CALN1: variants seen among roughly 807,000 people sequenced by gnomAD.
The protein encoded by CALN1 is calcium-binding protein 8.
A neutral mutation model predicts 30.6 loss-of-function variants in CALN1; 17 were observed. That is an observed-to-expected ratio of 0.56 (90% confidence interval 0.38 to 0.83). The LOEUF (loss-of-function observed/expected upper bound fraction) is 0.83, where lower values mean the gene tolerates loss of function less well. Ranked by LOEUF, CALN1 falls within the 40% of genes least tolerant of loss-of-function variation. CALN1 has a pLI of 0.00. For synonymous variants in CALN1, 156 were observed against 131.4 expected, an observed-to-expected ratio of 1.19 and a Z score of -1.28; for missense variants, 291 against 354.9, an observed-to-expected ratio of 0.82 and a Z score of 1.45.
chr7:72,317,663 T>TC (rs1044956245), intron 2 of CALN1, among the ~76,000 whole-genome samples: 8 of 151,140 alleles, frequency 5.3e-5, no homozygotes, highest in South Asian at 4.2e-4. Context: ...GCCTAGGAAG[T>TC]CCCCCCCAGA....
At chr7:72,119,947 T>A (rs1808262032) in intron 3 of CALN1, among the ~76,000 whole-genome samples, 1 of 152,186 alleles carries the variant, frequency 6.6e-6, no homozygotes, top group Non-Finnish European at 1.5e-5. Flanking sequence ...CATGTAGTTT[T>A]TTAAAAGTAA....
At chr7:72,442,591 T>G (rs1399266448) in intron 1 of CALN1, among the ~76,000 whole-genome samples, 1 of 151,792 alleles carries the variant, frequency 6.6e-6, no homozygotes, top group Non-Finnish European at 1.5e-5. Flanking sequence ...TGGACTTTAT[T>G]AAGGGTTGCG....
intron 5 of CALN1, among the ~76,000 whole-genome samples, chr7:71,907,492 G>GT (rs1221342021): frequency 3.9e-5 from 6 of 152,200 alleles, no homozygotes; most frequent in African/African-American, 1.2e-4. Context: ...GAATAAAGCT[G>GT]TGAGTCAGAA....
chr7:72,462,668 C>A, the CALN1 span, among the ~76,000 whole-genome samples: 1 of 152,220 alleles, frequency 6.6e-6, no homozygotes, highest in Non-Finnish European at 1.5e-5. Context: ...GCTTGCCCCA[C>A]GCAGGTTCAC....
At chr7:72,289,680 C>A (rs972186037) in intron 2 of CALN1, among the ~76,000 whole-genome samples, 6 of 152,050 alleles carry the variant, frequency 3.9e-5, no homozygotes, top group African/African-American at 1.4e-4. Flanking sequence ...CTAAATTAAC[C>A]ACAAAATCAC....
chr7:72,420,356 C>A (rs977144958), intron 1 of CALN1, among the ~76,000 whole-genome samples: 2 of 152,120 alleles, frequency 1.3e-5, no homozygotes, highest in African/African-American at 4.8e-5. Context: ...ACAGGCAACA[C>A]TTCCTCTTGC....
At chr7:72,477,071 CGT>C in the CALN1 span, among the ~76,000 whole-genome samples, 1 of 152,070 alleles carries the variant, frequency 6.6e-6, no homozygotes, top group Admixed American at 6.5e-5. Flanking sequence ...ACTAGCTGGG[CGT>C]GGTGGCGCGC....
intron 5 of CALN1, among the ~76,000 whole-genome samples, chr7:71,875,255 G>A (rs1271334676): frequency 6.6e-6 from 1 of 151,332 alleles, no homozygotes; most frequent in East Asian, 1.9e-4. Context: ...CAAATGCAAG[G>A]AGCCATGCAG....
At chr7:71,925,909 A>C (rs962355213) in intron 5 of CALN1, among the ~76,000 whole-genome samples, 1 of 152,080 alleles carries the variant, frequency 6.6e-6, no homozygotes, top group Non-Finnish European at 1.5e-5. Flanking sequence ...GCTGGAGTGC[A>C]GTGGCGCAAT....
chr7:72,347,735 A>C lies in CALN1; in HGVS notation c.119+55516T>G, dbSNP rs535412800. Among the ~76,000 whole-genome samples, 10 of 152,310 alleles carry C rather than the reference A, an allele frequency of 6.6e-5. No homozygotes were observed. In the South Asian group the frequency reaches 1.7e-3, roughly 25 times the overall value. ...ACTAAAAGAAAATAGCTATCCACTA[A>C]ATTCTGAATGCAGTGAACATGCCCA... On this transcript the variant is annotated intron_variant, in intron 2 of 6. Coordinates refer to ENST00000395275, the MANE Select transcript of CALN1 (RefSeq NM_031468.4).
chr7:72,267,003 T>TC (rs1308079232), intron 3 of CALN1, among the ~76,000 whole-genome samples: 1 of 152,156 alleles, frequency 6.6e-6, no homozygotes, highest in Non-Finnish European at 1.5e-5. Flanking sequence ...ACACTCCCCC[T>TC]CTTATTGGGA....
intron 2 of CALN1, among the ~76,000 whole-genome samples, chr7:72,330,847 G>A (rs1466894662): frequency 6.6e-6 from 1 of 152,146 alleles, no homozygotes; most frequent in East Asian, 1.9e-4. Flanking sequence ...CCCTGCCAGT[G>A]GGAAGGCAAA....
chr7:72,046,763 G>A (rs1270231726), intron 4 of CALN1, among the ~76,000 whole-genome samples: 7 of 149,372 alleles, frequency 4.7e-5, no homozygotes, highest in Non-Finnish European at 8.9e-5. Flanking sequence ...GGCCAGGTGC[G>A]GTAGCTCACA....
At chr7:71,934,060 A>G (rs1195626443) in intron 5 of CALN1, among the ~76,000 whole-genome samples, 1 of 152,166 alleles carries the variant, frequency 6.6e-6, no homozygotes, top group Non-Finnish European at 1.5e-5. Flanking sequence ...TTTGCATTGA[A>G]GCTCCCTATT....
chr7:72,438,970 A>C (rs2968509), intron 1 of CALN1, among the ~76,000 whole-genome samples: 107,959 of 152,194 alleles, frequency 0.71, 38,948 homozygotes, highest in African/African-American at 0.81. Context: ...ATACAGTTGA[A>C]CCTCAAACCC....
chr7:72,165,673 C>T (rs1469013792), intron 3 of CALN1, among the ~76,000 whole-genome samples: 1 of 151,798 alleles, frequency 6.6e-6, no homozygotes, highest in East Asian at 1.9e-4. Context: ...AAAAATGGAG[C>T]CTAAATAATC....
intron 5 of CALN1, among the ~76,000 whole-genome samples, chr7:71,905,452 C>T (rs996046464): frequency 4.0e-5 from 6 of 150,886 alleles, no homozygotes. Context: ...TATCACTCAA[C>T]TCAGGATTAT....
intron 5 of CALN1, among the ~76,000 whole-genome samples, chr7:71,911,479 G>A (rs1282451939): frequency 1.3e-5 from 2 of 152,048 alleles, no homozygotes; most frequent in Non-Finnish European, 2.9e-5. Context: ...TTATTTGCCC[G>A]TCAGCTTAGT....
intron 4 of CALN1, among the ~76,000 whole-genome samples, chr7:72,069,409 C>T (rs1186274492): frequency 2.6e-5 from 4 of 152,160 alleles, no homozygotes; most frequent in Admixed American, 1.3e-4. Context: ...GTTCTGGAGG[C>T]CAGAAGTCTG....
Sources: gnomAD v4.1 joint callset for allele counts (sites outside exome capture counted in the v4.1 genomes callset) on GRCh38, gnomAD v4.1.1 for gene constraint, MANE v1.5 for transcripts, NCBI Gene and HGNC (gene_info 2026-07-23, HGNC 2026-07-21) for gene names.